STEAP2: variants seen among roughly 807,000 people sequenced by gnomAD.
STEAP2 encodes STEAP2 metalloreductase.
In STEAP2, 30 loss-of-function variants were observed where a neutral mutation model predicts 46.4. That is an observed-to-expected ratio of 0.65 (90% confidence interval 0.48 to 0.88). The LOEUF (loss-of-function observed/expected upper bound fraction) is 0.88. STEAP2 is among the 40% of genes least tolerant of loss of function. STEAP2 has a pLI of 0.00. For missense variants in STEAP2, 513 were observed against 579.3 expected (o/e 0.89, Z 1.18); for synonymous variants, 180 against 200.5 (o/e 0.90, Z 0.86).
downstream of STEAP2, among the ~76,000 whole-genome samples, chr7:90,239,198 G>A (rs922240942): frequency 6.6e-6 from 1 of 152,090 alleles, no homozygotes; most frequent in African/African-American, 2.4e-5. Flanking sequence ...ATACAGTTGG[G>A]CCCTAATCCA....
chr7:90,214,336 C>A (rs1794932607), intron 1 of STEAP2, among the ~76,000 whole-genome samples: 1 of 151,952 alleles, frequency 6.6e-6, no homozygotes, highest in Admixed American at 6.6e-5. Flanking sequence ...GCGAATGGGA[C>A]CAGCTCTGGG....
At position 90,234,323 on chromosome 7, in the gene STEAP2, A is replaced by G; in HGVS notation, c.*1699A>G. Reference sequence around the variant, plus strand: ...TTTCCTTATTAAAATAGAAAATTATAGGCAAGATACAATTATATGCGTTCC... The same window carrying G: ...TTTCCTTATTAAAATAGAAAATTATGGGCAAGATACAATTATATGCGTTCC... On this transcript the variant is annotated 3_prime_UTR_variant, in exon 6 of 6. Coordinates refer to ENST00000394621, the MANE Select transcript of STEAP2 (RefSeq NM_001244944.2). 1 of 985,198 alleles carries G rather than the reference A, an allele frequency of 1.0e-6. No homozygotes were observed. Among genetic ancestry groups the G allele is most frequent in the Non-Finnish European group, 1.2e-6 (1 of 829,754 alleles). 61.0% of individuals were successfully genotyped at this position (985,198 alleles called of 1,614,324 possible). A position where few individuals can be genotyped will look rare whatever the true frequency, so the allele number is the denominator to read the frequency against.
At position 90,225,584 on chromosome 7, in the gene STEAP2, T is replaced by C. The variant is rs760750699; in HGVS notation, c.492+10T>C. 1 of 1,558,432 alleles carries C rather than the reference T, an allele frequency of 6.4e-7. No homozygotes were observed. Among genetic ancestry groups the C allele is most frequent in the Admixed American group, 2.0e-5 (1 of 48,798 alleles). On this transcript the variant is annotated intron_variant, in intron 3 of 5. Coordinates refer to ENST00000394621, the MANE Select transcript of STEAP2 (RefSeq NM_001244944.2). ...GGATGCCAGCCGGCAGGTATGTATT[T>C]TACATTTTTATTCTTATGTATCTGG...
intron 3 of STEAP2, 64 bp from the exon 4 acceptor site, chr7:90,226,907 A>G (rs1795509681): frequency 1.3e-6 from 2 of 1,485,640 alleles, no homozygotes; most frequent in Non-Finnish European, 1.8e-6. Context: ...TAAGTGGAGC[A>G]TGCGATTGCT....
intron 1 of STEAP2, among the ~76,000 whole-genome samples, chr7:90,214,635 A>G (rs775734861): frequency 2.6e-5 from 4 of 152,046 alleles, no homozygotes; most frequent in Non-Finnish European, 5.9e-5. Flanking sequence ...AAGAGAGCTG[A>G]GGATCTTTTT....
Position 90,232,401 on chromosome 7 carries a change from G to A in STEAP2, c.1250G>A (p.Arg417Gln), listed in dbSNP as rs775473444. The change falls in exon 6 of 6, where the codon CGA (arginine) becomes CAA (glutamine). Residue 417 changes from arginine (R) to glutamine (Q), a missense_variant. Arg to Gln is a conservative substitution (Grantham distance 43, BLOSUM62 1). Transcript: ENST00000394621. Reference protein sequence around the residue: ...TFHVLIYGWKRAFEEEYYRFY... With the variant: ...TFHVLIYGWKQAFEEEYYRFY... The stretch of plus-strand genomic sequence containing the variant: ...CATGTTTTAATTTATGGATGGAAAC[G>A]AGCTTTTGAGGAAGAGTACTACAGA... 69 of 1,613,194 alleles carry A rather than the reference G, an allele frequency of 4.3e-5. No individual in the cohort carries two copies. Among genetic ancestry groups the A allele is most frequent in the Middle Eastern group, 1.7e-4 (1 of 6,058 alleles).
At chr7:90,217,148 C>T (rs775649001) in intron 2 of STEAP2, among the ~76,000 whole-genome samples, 1 of 152,198 alleles carries the variant, frequency 6.6e-6, no homozygotes, top group Non-Finnish European at 1.5e-5. Context: ...ATACATGTTA[C>T]ATATCTATGG....
intron 3 of STEAP2, 123 bp downstream of exon 3, chr7:90,225,697 T>A: frequency 1.8e-6 from 2 of 1,104,516 alleles, no homozygotes; most frequent in Non-Finnish European, 2.5e-6. Context: ...GAAAATTAAT[T>A]ATGAGCACCT....
In STEAP2 at chr7:90,234,160, T is replaced by C. The variant is rs554300215; in HGVS notation, c.*1536T>C. ...CAAGCATGAAGGATATTAGGGTAAG[T>C]GGCTAATTATAAATCTACTCTAGAG... On this transcript the variant is annotated 3_prime_UTR_variant, in exon 6 of 6. Coordinates refer to ENST00000394621, the MANE Select transcript of STEAP2 (RefSeq NM_001244944.2). 1.0e-6 allele frequency: 1 copy of C among 985,320 alleles called. No homozygotes were observed. The highest frequency in any genetic ancestry group is 1.2e-6 in the Non-Finnish European group (1 of 829,932). 61.0% of individuals were successfully genotyped at this position (985,320 alleles called of 1,614,324 possible).
In STEAP2 at chr7:90,233,453, A is replaced by G. The variant is rs747006193; in HGVS notation, c.*829A>G. On this transcript the variant is annotated 3_prime_UTR_variant, in exon 6 of 6. Coordinates refer to ENST00000394621, the MANE Select transcript of STEAP2 (RefSeq NM_001244944.2). ...CTTAGAACAAAAGTATCAAGTTTGC[A>G]CACAAGTAATCTGCCAGCTGACCTT... 2.7e-5 allele frequency: 27 copies of G among 985,408 alleles called. No individual in the cohort carries two copies. The highest frequency in any genetic ancestry group is 2.9e-5 in the Non-Finnish European group (24 of 829,922). The allele number at this position is 985,408 out of a possible 1,614,324, so 61.0% of individuals were successfully genotyped here. A position where few individuals can be genotyped will look rare whatever the true frequency, so the allele number is the denominator to read the frequency against.
chr7:90,228,375 G>A (rs2116321207), intron 4 of STEAP2, among the ~76,000 whole-genome samples: 1 of 148,580 alleles, frequency 6.7e-6, no homozygotes, highest in East Asian at 2.0e-4. Context: ...CTAATTAGTA[G>A]ATTGATAACC....
chr7:90,233,725 A>T lies in STEAP2; in HGVS notation c.*1101A>T. ...GCAGAGTGAGCATTCAAGTCCAGGT[A>T]GTCATATTCCAGAGGCCACGGTTTT... On this transcript the variant is annotated 3_prime_UTR_variant, in exon 6 of 6. Coordinates refer to ENST00000394621, the MANE Select transcript of STEAP2 (RefSeq NM_001244944.2). The T allele has an allele frequency of 2.1e-6, 2 of 974,788 alleles. No homozygotes were observed. The highest frequency in any genetic ancestry group is 2.4e-6 in the Non-Finnish European group (2 of 820,304). The allele number at this position is 974,788 out of a possible 1,614,324, so 60.4% of individuals were successfully genotyped here. A position where few individuals can be genotyped will look rare whatever the true frequency, so the allele number is the denominator to read the frequency against.
chr7:90,221,446 G>C (rs2116227819), intron 2 of STEAP2, among the ~76,000 whole-genome samples: 1 of 151,894 alleles, frequency 6.6e-6, no homozygotes, highest in Non-Finnish European at 1.5e-5. Context: ...AGTGACTTTT[G>C]GTTTCCATTT....
chr7:90,235,616 C>CA lies in STEAP2; in HGVS notation c.*3003dup, dbSNP rs34433390. 387,169 of 856,578 alleles carry CA rather than the reference C, an allele frequency of 0.45. 54,216 individuals carry two copies. The highest frequency in any genetic ancestry group is 0.47 in the Non-Finnish European group (334,962 of 713,212). The allele number at this position is 856,578 out of a possible 1,614,324, so 53.1% of individuals were successfully genotyped here. A position where few individuals can be genotyped will look rare whatever the true frequency, so the allele number is the denominator to read the frequency against. ...AAAGATACTCAGTCTTAATCCTATGCAAAAAAAAAAATCAAGTAATTGTTT... is the reference window on the plus strand; with the variant it reads ...AAAGATACTCAGTCTTAATCCTATGCAAAAAAAAAAAATCAAGTAATTGTTT... On this transcript the variant is annotated 3_prime_UTR_variant, in exon 6 of 6. Transcript: ENST00000394621.
chr7:90,218,132 A>G lies in STEAP2; in HGVS notation c.-34+1529A>G, dbSNP rs577567022. ...ATGGGATTATGTGTTTTTTATTGTC[A>G]GTTGTTTGAGTTCCTTGTATATTCT... On this transcript the variant is annotated intron_variant, in intron 2 of 5. Transcript: ENST00000394621. Among the ~76,000 whole-genome samples the G allele has an allele frequency of 1.5e-3, 234 of 152,078 alleles. 2 individuals are homozygous for G. The highest frequency in any genetic ancestry group is 5.5e-3 in the African/African-American group (229 of 41,522).
chr7:90,238,069 C>T (rs758506809), downstream of STEAP2: 1 of 717,414 alleles, frequency 1.4e-6, no homozygotes, highest in Non-Finnish European at 2.6e-6. Flanking sequence ...CATCCTCTTG[C>T]CTCTTCCTCA....
intron 3 of STEAP2, 23 bp downstream of exon 3, chr7:90,225,597 C>T: frequency 1.3e-6 from 2 of 1,537,504 alleles, no homozygotes; most frequent in Non-Finnish European, 1.7e-6. Flanking sequence ...CATTTTTATT[C>T]TTATGTATCT....
At chr7:90,224,612 C>A (rs1433806567) in intron 2 of STEAP2, among the ~76,000 whole-genome samples, 1 of 152,164 alleles carries the variant, frequency 6.6e-6, no homozygotes, top group Non-Finnish European at 1.5e-5. Flanking sequence ...TGGGCTAAGC[C>A]CCCATTTGGG....
At chr7:90,216,653 A>G (rs1230834224) in intron 2 of STEAP2, 50 bp downstream of exon 2, 2 of 152,198 alleles carry the variant, frequency 1.3e-5, no homozygotes, top group Non-Finnish European at 2.9e-5. Flanking sequence ...ACAAACAACA[A>G]CGTAAAAATT....
Sources: gnomAD v4.1 joint callset for allele counts (sites outside exome capture counted in the v4.1 genomes callset) on GRCh38, gnomAD v4.1.1 for gene constraint, MANE v1.5 for transcripts, NCBI Gene and HGNC (gene_info 2026-07-23, HGNC 2026-07-21) for gene names.